The following MUSK variants were observed in gnomAD, a reference collection of about 807,000 sequenced individuals.
MUSK encodes muscle, skeletal receptor tyrosine-protein kinase.
A neutral mutation model predicts 88.7 loss-of-function variants in MUSK; 55 were observed. That is an observed-to-expected ratio of 0.62 (90% confidence interval 0.50 to 0.78). The LOEUF (loss-of-function observed/expected upper bound fraction) is 0.78, where lower values mean the gene tolerates loss of function less well. Among genes scored for constraint, MUSK ranks in the 30% least tolerant of loss-of-function variants. MUSK has a pLI of 0.00. For synonymous variants in MUSK, 387 were observed against 391.9 expected, an observed-to-expected ratio of 0.99 and a Z score of 0.15; for missense variants, 1,015 against 1,074.3, an observed-to-expected ratio of 0.94 and a Z score of 0.77.
At chr9:110,673,876 C>A (rs867779699) in intron 1 of MUSK, among the ~76,000 whole-genome samples, 1 of 152,176 alleles carries the variant, frequency 6.6e-6, no homozygotes, top group Non-Finnish European at 1.5e-5. Context: ...GGACTATTAA[C>A]ACATTGGCAT....
intron 5 of MUSK, among the ~76,000 whole-genome samples, chr9:110,701,562 C>G (rs1433205303): frequency 1.3e-5 from 2 of 152,066 alleles, no homozygotes; most frequent in Non-Finnish European, 2.9e-5. Context: ...TCATAGCTTA[C>G]TATAGCCTCA....
At chr9:110,776,193 A>G (rs1241666363) in intron 10 of MUSK, among the ~76,000 whole-genome samples, 7 of 152,312 alleles carry the variant, frequency 4.6e-5, no homozygotes, top group Non-Finnish European at 5.9e-5. Context: ...AGCACTTTTA[A>G]TTACTGCTTG....
chr9:110,675,694 C>T (rs1423236644), intron 1 of MUSK, among the ~76,000 whole-genome samples: 5 of 150,548 alleles, frequency 3.3e-5, no homozygotes, highest in African/African-American at 4.9e-5. Context: ...CTCAGCCTCC[C>T]GAGTAGCTGG....
intron 1 of MUSK, among the ~76,000 whole-genome samples, chr9:110,670,432 T>A (rs997861555): frequency 2.0e-5 from 3 of 152,194 alleles, no homozygotes; most frequent in Admixed American, 1.3e-4. Context: ...TACAGTCTTA[T>A]AAAGAGCAGG....
chr9:110,748,006 A>G, intron 7 of MUSK: 1 of 711,542 alleles, frequency 1.4e-6, no homozygotes, highest in Non-Finnish European at 2.5e-6. Context: ...TAAATCCTCA[A>G]TACCTACCCA....
intron 3 of MUSK, among the ~76,000 whole-genome samples, chr9:110,690,205 T>C (rs1285358104): frequency 3.0e-5 from 3 of 101,612 alleles, no homozygotes; most frequent in East Asian, 6.6e-4. Context: ...TAAATATATA[T>C]AAATATATAT....
In MUSK at chr9:110,785,888, G is replaced by GTA. The variant is rs72478397; in HGVS notation, c.1778+181_1778+182dup. Among the ~76,000 whole-genome samples, 660 of 147,436 alleles carry GTA rather than the reference G, an allele frequency of 4.5e-3. 3 individuals carry two copies. The highest frequency in any genetic ancestry group is 0.014 in the African/African-American group (580 of 40,338). ...GTACATATATATGTACACTGTGTGT[G>GTA]TATATATATATACACACACACATAT... On this transcript the variant is annotated intron_variant, in intron 13 of 14. Transcript: ENST00000374448.
chr9:110,690,249 T>TATATATAAATATATATTTAAGTACAA (rs2076319416), intron 3 of MUSK, among the ~76,000 whole-genome samples: 1 of 88,536 alleles, frequency 1.1e-5, no homozygotes, highest in Non-Finnish European at 2.0e-5. Context: ...TATATATAAA[T>TATATATAAATATATATTTAAGTACAA]ATATATAAAT....
At chr9:110,689,731 T>A (rs1477431718) in intron 3 of MUSK, among the ~76,000 whole-genome samples, 9,443 of 72,288 alleles carry the variant, frequency 0.13, 1,409 homozygotes, top group African/African-American at 0.3. Context: ...TATATATAGT[T>A]TATATATAAT....
chr9:110,669,708 G>A (rs950407425), intron 1 of MUSK, among the ~76,000 whole-genome samples: 3 of 152,158 alleles, frequency 2.0e-5, no homozygotes, highest in African/African-American at 7.2e-5. Context: ...TCTGGCCAGT[G>A]TATTATGAAA....
intron 6 of MUSK, among the ~76,000 whole-genome samples, chr9:110,739,152 G>A (rs1368461673): frequency 6.6e-6 from 1 of 152,100 alleles, no homozygotes; most frequent in Non-Finnish European, 1.5e-5. Flanking sequence ...AATTGCAAGT[G>A]TGTTAGAGTC....
intron 6 of MUSK, among the ~76,000 whole-genome samples, chr9:110,746,939 C>A (rs1045206559): frequency 2.6e-5 from 4 of 152,172 alleles, no homozygotes; most frequent in African/African-American, 9.7e-5. Context: ...GTCCTTAAGT[C>A]TGCAACCTCT....
At chr9:110,717,661 CTTTGTCTTTGTATG>C (rs1446403743) in intron 5 of MUSK, among the ~76,000 whole-genome samples, 1 of 149,728 alleles carries the variant, frequency 6.7e-6, no homozygotes, top group Non-Finnish European at 1.5e-5. Context: ...ATATCTTTGT[CTTTGTCTTTGTATG>C]TTTGAAAATG....
At chr9:110,688,695 C>T (rs753401419) in intron 3 of MUSK, among the ~76,000 whole-genome samples, 2 of 151,802 alleles carry the variant, frequency 1.3e-5, no homozygotes, top group Non-Finnish European at 2.9e-5. Flanking sequence ...GCTCCCACTT[C>T]TAAGTGAGAA....
chr9:110,695,583 C>T, intron 4 of MUSK, 53 bp downstream of exon 4: 1 of 1,374,688 alleles, frequency 7.3e-7, no homozygotes. Flanking sequence ...TAAAATATAA[C>T]ATTTCTTTAC....
intron 9 of MUSK, 122 bp downstream of exon 9, chr9:110,768,205 A>C (rs994762012): frequency 2.2e-5 from 24 of 1,068,798 alleles, no homozygotes; most frequent in Non-Finnish European, 3.1e-5. Context: ...CATCCAAAAT[A>C]GGAGGTTAAT....
intron 5 of MUSK, among the ~76,000 whole-genome samples, chr9:110,717,905 C>A (rs2076764972): frequency 6.6e-6 from 1 of 152,118 alleles, no homozygotes; most frequent in South Asian, 2.1e-4. Flanking sequence ...TATTAGTTAT[C>A]TGTTTCTCTG....
chr9:110,683,617 C>T (rs2131660054), intron 2 of MUSK, among the ~76,000 whole-genome samples: 1 of 150,846 alleles, frequency 6.6e-6, no homozygotes, highest in South Asian at 2.1e-4. Flanking sequence ...CAAGGATTCC[C>T]TTATCTACAC....
At chr9:110,762,282 G>A (rs2077413735) in intron 8 of MUSK, 74 bp downstream of exon 8, 1 of 1,206,360 alleles carries the variant, frequency 8.3e-7, no homozygotes, top group Non-Finnish European at 1.1e-6. Context: ...GTTTTTGTCT[G>A]TGAGAGGGTC....
Sources: allele counts gnomAD v4.1 joint callset (sites outside exome capture counted in the v4.1 genomes callset), GRCh38; gene constraint gnomAD v4.1.1; transcripts MANE v1.5; gene names NCBI Gene and HGNC (gene_info 2026-07-23, HGNC 2026-07-21).